The following RGS6 variants were observed in gnomAD, a reference collection of about 807,000 sequenced individuals.
RGS6 encodes the protein regulator of G-protein signaling 6.
In RGS6, 30 loss-of-function variants were observed where a neutral mutation model predicts 78.5. The observed-to-expected ratio is 0.38, with a 90% confidence interval of 0.29 to 0.52. RGS6 has a LOEUF of 0.52. Ranked by LOEUF, RGS6 falls within the 20% of genes least tolerant of loss-of-function variation. The pLI is 0.85. For missense variants in RGS6, 495 were observed against 609.7 expected, an observed-to-expected ratio of 0.81 and a Z score of 1.98; for synonymous variants, 206 against 206.0, an observed-to-expected ratio of 1.00 and a Z score of 0.00.
At chr14:72,347,896 T>G (rs1262914871) in intron 2 of RGS6, among the ~76,000 whole-genome samples, 1 of 152,214 alleles carries the variant, frequency 6.6e-6, no homozygotes, top group Admixed American at 6.5e-5. Context: ...GGCAGAAAAG[T>G]GCAGAGTTTG....
intron 2 of RGS6, among the ~76,000 whole-genome samples, chr14:72,102,801 A>G (rs1043115449): frequency 5.3e-5 from 8 of 152,210 alleles, no homozygotes; most frequent in Non-Finnish European, 1.2e-4. Context: ...TATATTGGCT[A>G]AAGTTTGGCA....
chr14:72,300,548 A>C (rs2065839701), intron 2 of RGS6, among the ~76,000 whole-genome samples: 1 of 152,216 alleles, frequency 6.6e-6, no homozygotes, highest in African/African-American at 2.4e-5. Flanking sequence ...TTTGTTAAAC[A>C]CCTGGATTTT....
chr14:72,458,248 C>T (rs528456134), intron 4 of RGS6, 23 bp from the exon 5 acceptor site: 4 of 1,561,740 alleles, frequency 2.6e-6, no homozygotes, highest in African/African-American at 1.4e-5. Context: ...AATTCCTTCT[C>T]TCTCTATGCA....
intron 3 of RGS6, among the ~76,000 whole-genome samples, chr14:72,375,252 G>A (rs2084403287): frequency 6.6e-6 from 1 of 152,162 alleles, no homozygotes; most frequent in Non-Finnish European, 1.5e-5. Context: ...GTTTTTCTGA[G>A]TGGATTAAAA....
chr14:72,422,965 T>C (rs2153112629), intron 3 of RGS6, among the ~76,000 whole-genome samples: 1 of 152,346 alleles, frequency 6.6e-6, no homozygotes, highest in South Asian at 2.1e-4. Flanking sequence ...CTTTGATTTT[T>C]AACTTCTGGC....
At chr14:72,152,527 T>C (rs1465448313) in intron 2 of RGS6, among the ~76,000 whole-genome samples, 3 of 152,212 alleles carry the variant, frequency 2.0e-5, no homozygotes, top group African/African-American at 7.2e-5. Context: ...TCTGGCTTCC[T>C]GTGGGGCTGT....
intron 17 of RGS6, among the ~76,000 whole-genome samples, chr14:72,561,176 A>AT (rs531658109): frequency 6.4e-4 from 97 of 152,224 alleles, no homozygotes; most frequent in African/African-American, 2.3e-3. Context: ...AACCTGATCA[A>AT]TTTTTTAAAT....
chr14:71,874,388 T>A, the RGS6 span, among the ~76,000 whole-genome samples: 272 of 152,256 alleles, frequency 1.8e-3, 1 homozygote, highest in African/African-American at 5.9e-3. Context: ...CTAGGTATTT[T>A]ATTCTCTTTG....
intron 3 of RGS6, among the ~76,000 whole-genome samples, chr14:72,447,066 G>A (rs1203242187): frequency 2.0e-5 from 3 of 152,126 alleles, no homozygotes; most frequent in South Asian, 2.1e-4. Flanking sequence ...GGGAAGGCAC[G>A]ACAGGCCCAG....
At chr14:72,344,829 C>T (rs1293738324) in intron 2 of RGS6, among the ~76,000 whole-genome samples, 1 of 152,104 alleles carries the variant, frequency 6.6e-6, no homozygotes, top group Non-Finnish European at 1.5e-5. Flanking sequence ...TCATATTTTC[C>T]CTTTTAAGAG....
intron 3 of RGS6, among the ~76,000 whole-genome samples, chr14:72,391,530 A>G (rs1295031451): frequency 6.6e-6 from 1 of 152,076 alleles, no homozygotes; most frequent in Non-Finnish European, 1.5e-5. Flanking sequence ...AAATTCCTTT[A>G]CTTCTCACCC....
chr14:72,533,093 A>G (rs1598802128), intron 15 of RGS6, among the ~76,000 whole-genome samples: 1 of 152,244 alleles, frequency 6.6e-6, no homozygotes, highest in East Asian at 1.9e-4. Context: ...TCAAAGCTTC[A>G]AAGGACAGGC....
chr14:71,919,928 A>C, the RGS6 span, among the ~76,000 whole-genome samples: 9 of 152,142 alleles, frequency 5.9e-5, no homozygotes, highest in African/African-American at 2.2e-4. Flanking sequence ...CAGGAGGTGG[A>C]GGTCGCAGTG....
chr14:72,264,053 C>A (rs1374799589), intron 2 of RGS6, among the ~76,000 whole-genome samples: 2 of 152,174 alleles, frequency 1.3e-5, no homozygotes, highest in Non-Finnish European at 2.9e-5. Context: ...TGCAGAGAAA[C>A]ACGTGAACAT....
intron 17 of RGS6, chr14:72,541,572 G>A (rs2097327707): frequency 1.3e-6 from 2 of 1,535,710 alleles, no homozygotes; most frequent in African/African-American, 1.4e-5. Flanking sequence ...CGGGCTGTCA[G>A]AGTCAAGGCT....
intron 3 of RGS6, among the ~76,000 whole-genome samples, chr14:72,387,275 C>T (rs897171224): frequency 4.6e-5 from 7 of 152,146 alleles, no homozygotes; most frequent in Admixed American, 2.0e-4. Context: ...GGGGGCTGGG[C>T]GCGGTGGCTG....
intron 2 of RGS6, among the ~76,000 whole-genome samples, chr14:72,285,038 C>A (rs1248636314): frequency 6.6e-6 from 1 of 152,154 alleles, no homozygotes; most frequent in Non-Finnish European, 1.5e-5. Context: ...ACGCCTGTAC[C>A]CCCATTGTAT....
At chr14:72,599,763 G>A in the RGS6 span, among the ~76,000 whole-genome samples, 92 of 152,102 alleles carry the variant, frequency 6.0e-4, no homozygotes, top group African/African-American at 2.2e-3. Flanking sequence ...CCCCTGATGA[G>A]AGCAGGGAGC....
intron 17 of RGS6, among the ~76,000 whole-genome samples, chr14:72,542,651 A>C (rs1025965707): frequency 1.3e-5 from 2 of 152,228 alleles, no homozygotes; most frequent in Admixed American, 1.3e-4. Context: ...ATTTAGGATT[A>C]ATTGATGGCA....
Sources: allele counts gnomAD v4.1 joint callset (sites outside exome capture counted in the v4.1 genomes callset), GRCh38; gene constraint gnomAD v4.1.1; transcripts MANE v1.5; gene names NCBI Gene and HGNC (gene_info 2026-07-23, HGNC 2026-07-21).